Variants in PPP1R2 observed in about 807,000 individuals in gnomAD.
The protein encoded by PPP1R2 is protein phosphatase inhibitor 2.
PPP1R2 carries 16 observed loss-of-function variants against 29.9 expected under a neutral mutation model. The observed-to-expected ratio is 0.53, with a 90% CI of 0.36 to 0.81. PPP1R2 has a LOEUF of 0.81. Among genes scored for constraint, PPP1R2 ranks in the 30% least tolerant of loss-of-function variants. PPP1R2 has a pLI of 0.00. For missense variants in PPP1R2, 197 were observed against 252.7 expected (o/e 0.78, Z 1.49); for synonymous variants, 76 against 91.5 (o/e 0.83, Z 0.96).
chr3:195,522,318 C>T (rs1208775843), intron 4 of PPP1R2, among the ~76,000 whole-genome samples: 1 of 152,174 alleles, frequency 6.6e-6, no homozygotes, highest in Non-Finnish European at 1.5e-5. Flanking sequence ...TACAGTTTTT[C>T]TCCCTAAGCT....
chr3:195,542,335 T>G (rs1719627501), intron 1 of PPP1R2, among the ~76,000 whole-genome samples: 1 of 151,368 alleles, frequency 6.6e-6, no homozygotes, highest in Non-Finnish European at 1.5e-5. Flanking sequence ...AAATTACCAC[T>G]GGGTCATTTC....
chr3:195,520,301 C>A (rs566890105), intron 4 of PPP1R2, among the ~76,000 whole-genome samples: 2 of 152,172 alleles, frequency 1.3e-5, no homozygotes, highest in African/African-American at 4.8e-5. Flanking sequence ...TGAGCCACTG[C>A]GCCTGGCTTC....
At chr3:195,531,238 G>A (rs1344665247) in intron 1 of PPP1R2, among the ~76,000 whole-genome samples, 4 of 152,092 alleles carry the variant, frequency 2.6e-5, no homozygotes, top group Non-Finnish European at 4.4e-5. Context: ...CCTTAAAAAA[G>A]ACCTCAAAGA....
chr3:195,518,650 CAAA>C (rs35912447), intron 5 of PPP1R2, among the ~76,000 whole-genome samples: 5 of 133,908 alleles, frequency 3.7e-5, no homozygotes, highest in Non-Finnish European at 6.5e-5. Context: ...GACTCTGTCT[CAAA>C]AAAAAAAAAA....
At chr3:195,522,013 A>G (rs1718780584) in intron 4 of PPP1R2, among the ~76,000 whole-genome samples, 1 of 152,170 alleles carries the variant, frequency 6.6e-6, no homozygotes, top group South Asian at 2.1e-4. Flanking sequence ...ATTTATATGA[A>G]TACAACAAGT....
At chr3:195,527,542 C>T (rs769190827) in intron 2 of PPP1R2, among the ~76,000 whole-genome samples, 12 of 152,180 alleles carry the variant, frequency 7.9e-5, no homozygotes, top group Non-Finnish European at 1.2e-4. Flanking sequence ...AGATTACAGG[C>T]GTTGAGCCAC....
At chr3:195,536,456 A>G (rs982033695) in intron 1 of PPP1R2, among the ~76,000 whole-genome samples, 3 of 152,174 alleles carry the variant, frequency 2.0e-5, no homozygotes, top group Non-Finnish European at 2.9e-5. Flanking sequence ...AAATAAACAC[A>G]TATTAATAAT....
At chr3:195,530,401 A>G in intron 1 of PPP1R2, among the ~76,000 whole-genome samples, 1 of 152,248 alleles carries the variant, frequency 6.6e-6, no homozygotes, top group East Asian at 1.9e-4. Context: ...AGACACCACT[A>G]AATCATTAGA....
intron 1 of PPP1R2, among the ~76,000 whole-genome samples, chr3:195,533,527 G>C (rs950355552): frequency 6.6e-5 from 10 of 152,128 alleles, no homozygotes; most frequent in African/African-American, 2.4e-4. Context: ...AATGCCACTA[G>C]AGATGCTGGA....
At position 195,543,230 on chromosome 3, in the gene PPP1R2, G is replaced by C. The variant is rs998244080; in HGVS notation, c.-205C>G. 2 of 633,674 alleles carry C rather than the reference G, an allele frequency of 3.2e-6. No homozygotes were observed. Among genetic ancestry groups the C allele is most frequent in the African/African-American group, 3.9e-5 (2 of 51,616 alleles). 39.3% of individuals were successfully genotyped at this position (633,674 alleles called of 1,614,324 possible). A position where few individuals can be genotyped will look rare whatever the true frequency, so the allele number is the denominator to read the frequency against. ...CAGAGCCAACGCCGAACGGGTGGCG[G>C]CTACTCGCGCACCCTTAGCCACTGG... On this transcript the variant is annotated 5_prime_UTR_variant, in exon 1 of 6. Coordinates refer to ENST00000618156, the MANE Select transcript of PPP1R2 (RefSeq NM_006241.8).
At chr3:195,523,543 A>T in intron 4 of PPP1R2, 149 bp downstream of exon 4, 1 of 642,580 alleles carries the variant, frequency 1.6e-6, no homozygotes, top group Non-Finnish European at 2.8e-6. Flanking sequence ...AAAACACACA[A>T]GTAGTATCTG....
rs200143476 is a variant in PPP1R2 at position 195,524,838 on chromosome 3, G to A, written c.289C>T (p.Pro97Ser). The A allele has an allele frequency of 1.1e-5, 17 of 1,613,962 alleles. No homozygotes were observed. The highest frequency in any genetic ancestry group is 1.4e-5 in the Non-Finnish European group (16 of 1,180,012). The change falls in exon 3 of 6, where the codon CCA (proline) becomes TCA (serine). Residue 97 changes from proline to serine, a missense_variant. By Grantham distance (74) the Pro-to-Ser change is moderately conservative (BLOSUM62 -1). Coordinates refer to ENST00000618156, the MANE Select transcript of PPP1R2 (RefSeq NM_006241.8). ...SDTEATEAMA[P>S]DILARKLAAA... The stretch of plus-strand genomic sequence containing the variant: ...ACTTACTTCCTGGCTAAGATGTCTG[G>A]CGCCATGGCTTCAGTGGCCTCGGTG...
At chr3:195,529,497 T>C (rs1719102897) in intron 2 of PPP1R2, 1 of 209,148 alleles carries the variant, frequency 4.8e-6, no homozygotes, top group South Asian at 1.4e-4. Flanking sequence ...CCATATCTCA[T>C]CTTCCTTTCA....
intron 1 of PPP1R2, among the ~76,000 whole-genome samples, chr3:195,542,153 CT>C (rs1210638335): frequency 6.6e-6 from 1 of 152,132 alleles, no homozygotes; most frequent in African/African-American, 2.4e-5. Context: ...GCCTACCTTT[CT>C]TTTTTTAAAG....
intron 1 of PPP1R2, among the ~76,000 whole-genome samples, chr3:195,542,149 C>T (rs1035604012): frequency 6.6e-6 from 1 of 152,180 alleles, no homozygotes; most frequent in Non-Finnish European, 1.5e-5. Context: ...AAACGCCTAC[C>T]TTTCTTTTTT....
At chr3:195,525,389 G>C (rs1718924981) in intron 2 of PPP1R2, among the ~76,000 whole-genome samples, 1 of 152,092 alleles carries the variant, frequency 6.6e-6, no homozygotes, top group South Asian at 2.1e-4. Context: ...AGAGACTTGA[G>C]TGTCTGAGGA....
rs1467528711 is a variant in PPP1R2 at position 195,516,367 on chromosome 3, G to A, written c.*529C>T. The stretch of plus-strand genomic sequence containing the variant: ...CAGGAATTTTAAAAATAGTAGGTCA[G>A]AAAATGCAACAGTAACTCTTATAAT... On this transcript the variant is annotated 3_prime_UTR_variant, in exon 6 of 6. Coordinates refer to ENST00000618156, the MANE Select transcript of PPP1R2 (RefSeq NM_006241.8). The A allele has an allele frequency of 6.6e-6, 1 of 152,504 alleles. No homozygotes were observed. Among genetic ancestry groups the A allele is most frequent in the Non-Finnish European group, 1.5e-5 (1 of 67,972 alleles). 9.4% of individuals were successfully genotyped at this position (152,504 alleles called of 1,614,324 possible).
chr3:195,538,470 A>C (rs968756685), intron 1 of PPP1R2, among the ~76,000 whole-genome samples: 1 of 152,172 alleles, frequency 6.6e-6, no homozygotes, highest in Non-Finnish European at 1.5e-5. Context: ...AATTAAAGTA[A>C]GACTTAACAA....
chr3:195,536,669 TC>T (rs1719396679), intron 1 of PPP1R2, among the ~76,000 whole-genome samples: 4 of 150,836 alleles, frequency 2.7e-5, no homozygotes, highest in African/African-American at 9.8e-5. Flanking sequence ...ATGCCTGTAA[TC>T]CCAGCTACTC....
Sources: gnomAD v4.1 joint callset for allele counts (sites outside exome capture counted in the v4.1 genomes callset) on GRCh38, gnomAD v4.1.1 for gene constraint, MANE v1.5 for transcripts, NCBI Gene and HGNC (gene_info 2026-07-23, HGNC 2026-07-21) for gene names.